The following PRKAA1 variants were observed in gnomAD, a reference collection of about 807,000 sequenced individuals.
PRKAA1 encodes protein kinase AMP-activated catalytic subunit alpha 1.
In PRKAA1, 23 loss-of-function variants were observed where a neutral mutation model predicts 56.9. The ratio of observed to expected loss-of-function variants is 0.40; its 90% CI spans 0.29 to 0.57. PRKAA1 has a LOEUF of 0.57. PRKAA1 is among the 20% of genes least tolerant of loss of function. The pLI is 0.39. For missense variants in PRKAA1, 413 were observed against 679.7 expected (o/e 0.61, Z 4.36); for synonymous variants, 226 against 227.0 (o/e 1.00, Z 0.04).
At position 40,764,781 on chromosome 5, in the gene PRKAA1, C is replaced by T; in HGVS notation, c.1279G>A (p.Ala427Thr). Reference sequence around the variant, plus strand: ...CATTCATAATCCAATTGTTTGATTGCTCTACATACTTCTGCCATAATATCA... The same window carrying T: ...CATTCATAATCCAATTGTTTGATTGTTCTACATACTTCTGCCATAATATCA... ...PNDIMAEVCR[A>T]IKQLDYEWKV... The change falls in exon 7 of 9, where the codon GCA becomes ACA. Residue 427 changes from alanine (A) to threonine (T), a missense_variant. Transcript: ENST00000397128. The T allele has an allele frequency of 1.2e-6, 2 of 1,613,680 alleles. No homozygotes were observed. Among genetic ancestry groups the T allele is most frequent in the South Asian group, 1.1e-5 (1 of 91,044 alleles).
intron 1 of PRKAA1, among the ~76,000 whole-genome samples, chr5:40,797,765 G>T (rs1355754701): frequency 6.6e-6 from 1 of 152,150 alleles, no homozygotes. Context: ...CCGCCCGCCT[G>T]CCCCACCTGG....
intron 8 of PRKAA1, among the ~76,000 whole-genome samples, chr5:40,763,672 T>C (rs1486756259): frequency 6.6e-6 from 1 of 152,196 alleles, no homozygotes; most frequent in Non-Finnish European, 1.5e-5. Flanking sequence ...CTAGTAAATC[T>C]AAGGTTGCAA....
chr5:40,785,476 G>A (rs1288973967), intron 1 of PRKAA1, among the ~76,000 whole-genome samples: 1 of 151,834 alleles, frequency 6.6e-6, no homozygotes, highest in Non-Finnish European at 1.5e-5. Flanking sequence ...CTGACCGCAG[G>A]TGATCCGCCC....
At chr5:40,790,501 T>C (rs919641793) in intron 1 of PRKAA1, among the ~76,000 whole-genome samples, 4 of 150,838 alleles carry the variant, frequency 2.7e-5, no homozygotes, top group African/African-American at 9.7e-5. Flanking sequence ...CCAGCCTTCA[T>C]AGTCTATCAG....
chr5:40,769,148 T>C (rs1312777110), intron 5 of PRKAA1, among the ~76,000 whole-genome samples: 1 of 152,206 alleles, frequency 6.6e-6, no homozygotes, highest in East Asian at 1.9e-4. Context: ...TATTCAAGTT[T>C]CCAGTGTCTT....
At chr5:40,796,912 G>T (rs1561193623) in intron 1 of PRKAA1, among the ~76,000 whole-genome samples, 1 of 152,052 alleles carries the variant, frequency 6.6e-6, no homozygotes, top group African/African-American at 2.4e-5. Flanking sequence ...GCCAATGCAT[G>T]AATTATTTTT....
intron 1 of PRKAA1, among the ~76,000 whole-genome samples, chr5:40,779,453 C>T (rs1395222000): frequency 1.3e-5 from 2 of 152,032 alleles, no homozygotes; most frequent in East Asian, 3.8e-4. Flanking sequence ...CCCCTTTACA[C>T]AATAAAATAG....
intron 2 of PRKAA1, among the ~76,000 whole-genome samples, chr5:40,776,401 T>A (rs1744006885): frequency 6.6e-6 from 1 of 152,212 alleles, no homozygotes; most frequent in Admixed American, 6.5e-5. Context: ...TTAAATGTCT[T>A]GCGAACATCC....
chr5:40,771,726 A>G lies in PRKAA1; in HGVS notation c.501T>C (p.Ala167=). The G allele has an allele frequency of 1.2e-6, 2 of 1,600,584 alleles. No individual in the cohort carries two copies. Among genetic ancestry groups the G allele is most frequent in the East Asian group, 2.2e-5 (1 of 44,810 alleles). ...CTATAAAATTATCCTTACCAAAATC[A>G]GCTATCTTTGCATTCATGTGTGCAT... The part of the protein sequence containing the change: ...LLDAHMNAKI[A]DFGLSNMMSD... The change falls in exon 4 of 9, where the codon GCT becomes GCC. Residue 167 remains alanine (A), a synonymous_variant. Coordinates refer to ENST00000397128, the MANE Select transcript of PRKAA1 (RefSeq NM_006251.6).
intron 1 of PRKAA1, among the ~76,000 whole-genome samples, chr5:40,782,087 C>A (rs1744287969): frequency 1.3e-5 from 2 of 152,148 alleles, no homozygotes; most frequent in African/African-American, 4.8e-5. Flanking sequence ...TCAGCTGAAA[C>A]AGGACTGGGA....
At chr5:40,775,351 C>T in intron 3 of PRKAA1, 59 bp downstream of exon 3, 1 of 1,325,992 alleles carries the variant, frequency 7.5e-7, no homozygotes, top group Non-Finnish European at 1.1e-6. Context: ...CATTTTGATG[C>T]TAGTAAAGGA....
chr5:40,780,718 T>A (rs771521453), intron 1 of PRKAA1, among the ~76,000 whole-genome samples: 2 of 152,138 alleles, frequency 1.3e-5, no homozygotes, highest in African/African-American at 2.4e-5. Context: ...GATGTTCAAT[T>A]CAGCAGAAGA....
chr5:40,784,460 A>T (rs1241969459), intron 1 of PRKAA1, among the ~76,000 whole-genome samples: 1 of 152,144 alleles, frequency 6.6e-6, no homozygotes, highest in Non-Finnish European at 1.5e-5. Context: ...GTTAATGTTC[A>T]ACAGATTACT....
At chr5:40,767,179 CTTT>C (rs1464931623) in intron 6 of PRKAA1, among the ~76,000 whole-genome samples, 1 of 152,086 alleles carries the variant, frequency 6.6e-6, no homozygotes, top group Non-Finnish European at 1.5e-5. Flanking sequence ...CTTTCATTAG[CTTT>C]TTTGTTAATT....
At chr5:40,771,298 G>A (rs1743733794) in intron 4 of PRKAA1, among the ~76,000 whole-genome samples, 4 of 152,178 alleles carry the variant, frequency 2.6e-5, no homozygotes, top group Admixed American at 2.6e-4. Flanking sequence ...TTGAGGCCAG[G>A]AGTTCAAGAG....
intron 1 of PRKAA1, among the ~76,000 whole-genome samples, chr5:40,795,200 G>A (rs1249766591): frequency 6.6e-6 from 1 of 152,028 alleles, no homozygotes; most frequent in African/African-American, 2.4e-5. Flanking sequence ...AGGACGCAAA[G>A]GCATAAGAAT....
intron 1 of PRKAA1, among the ~76,000 whole-genome samples, chr5:40,786,812 A>AAAAAAAT (rs1744509246): frequency 7.3e-6 from 1 of 137,466 alleles, no homozygotes; most frequent in African/African-American, 2.8e-5. Context: ...AAAAAAAAAA[A>AAAAAAAT]GCTGCCAGTG....
rs537926366 is a variant in PRKAA1 at position 40,797,178 on chromosome 5, T to C, written c.127+885A>G. 2.6e-5 allele frequency among the ~76,000 whole-genome samples: 4 copies of C among 152,350 alleles called. No individual in the cohort carries two copies. The South Asian group carries it at 8.3e-4, about 32-fold the overall frequency. On this transcript the variant is annotated intron_variant, in intron 1 of 8. Transcript: ENST00000397128. ...AGTGGTGAAGTCTGGGCTTTTAGTG[T>C]ACCCGTCACCCGAATGCTGTACAAT... is the stretch of plus-strand genomic sequence containing the variant.
intron 1 of PRKAA1, among the ~76,000 whole-genome samples, chr5:40,793,021 C>T (rs1291399456): frequency 2.0e-5 from 3 of 149,882 alleles, no homozygotes; most frequent in African/African-American, 7.4e-5. Context: ...GAGCTGAGAT[C>T]GCACCATTGC....
Sources: gnomAD v4.1 joint callset for allele counts (sites outside exome capture counted in the v4.1 genomes callset) on GRCh38, gnomAD v4.1.1 for gene constraint, MANE v1.5 for transcripts, NCBI Gene and HGNC (gene_info 2026-07-23, HGNC 2026-07-21) for gene names.